The following PTPRD variants were observed in gnomAD, a reference collection of about 807,000 sequenced individuals.
PTPRD encodes receptor-type tyrosine-protein phosphatase delta.
PTPRD carries 34 observed loss-of-function variants against 214.5 expected under a neutral mutation model. That is an observed-to-expected ratio of 0.16 (90% confidence interval 0.12 to 0.21). PTPRD has a LOEUF of 0.21. Among genes scored for constraint, PTPRD ranks in the 10% least tolerant of loss-of-function variants. The pLI is 1.00. For missense variants in PTPRD, 2,545 were observed against 2,398.7 expected (o/e 1.06, Z -1.27); for synonymous variants, 1,128 against 845.7 (o/e 1.33, Z -5.79).
chr9:9,896,623 G>A (rs1160075904), intron 5 of PTPRD, among the ~76,000 whole-genome samples: 1 of 151,920 alleles, frequency 6.6e-6, no homozygotes, highest in Non-Finnish European at 1.5e-5. Context: ...ATCCTCCAAC[G>A]AATTAGATCC....
At chr9:10,472,652 C>T (rs182497337) in intron 2 of PTPRD, among the ~76,000 whole-genome samples, 2 of 152,158 alleles carry the variant, frequency 1.3e-5, no homozygotes, top group East Asian at 3.9e-4. Flanking sequence ...GAATAGTATC[C>T]AATGCCTGGA....
At chr9:10,032,908 T>C (rs1567207669) in intron 4 of PTPRD, among the ~76,000 whole-genome samples, 1 of 152,150 alleles carries the variant, frequency 6.6e-6, no homozygotes, top group East Asian at 1.9e-4. Context: ...GCAATGTATA[T>C]GAACTTGAGT....
At chr9:9,103,816 A>G (rs2099794706) in intron 10 of PTPRD, among the ~76,000 whole-genome samples, 1 of 152,042 alleles carries the variant, frequency 6.6e-6, no homozygotes, top group Non-Finnish European at 1.5e-5. Flanking sequence ...CCCTGTCTCT[A>G]CAAAAAATAC....
chr9:10,082,812 T>TACACACACAC lies in PTPRD; in HGVS notation c.-544-49032_-544-49023dup, dbSNP rs776251264. Reference sequence around the variant, plus strand: ...GCACACCCCTTTCTTCTACTCCTCCTACACACACACACACACACACACACA... The same window carrying TACACACACAC: ...GCACACCCCTTTCTTCTACTCCTCCTACACACACACACACACACACACACACACACACACA... On this transcript the variant is annotated intron_variant, in intron 3 of 45. Transcript: ENST00000381196. Among the ~76,000 whole-genome samples the TACACACACAC allele has an allele frequency of 2.7e-4, 37 of 138,592 alleles. 1 individual carries two copies. The highest frequency in any genetic ancestry group is 7.7e-3 in the Middle Eastern group (2 of 260). The allele number at this position is 138,592 out of a possible 152,430, so 90.9% of individuals were successfully genotyped here.
At chr9:9,947,576 T>TTA (rs1491033175) in intron 4 of PTPRD, among the ~76,000 whole-genome samples, 2 of 46,612 alleles carry the variant, frequency 4.3e-5, no homozygotes, top group African/African-American at 1.4e-4. Context: ...ATATATATAT[T>TTA]ATATATATAT....
At chr9:10,307,329 G>C (rs1294980506) in intron 3 of PTPRD, among the ~76,000 whole-genome samples, 1 of 151,998 alleles carries the variant, frequency 6.6e-6, no homozygotes, top group South Asian at 2.1e-4. Context: ...TATGACATCT[G>C]TCTTTCTGTG....
At chr9:9,041,030 A>T (rs189856401) in intron 10 of PTPRD, among the ~76,000 whole-genome samples, 10 of 152,260 alleles carry the variant, frequency 6.6e-5, no homozygotes, top group Non-Finnish European at 8.8e-5. Context: ...AAACTTTCAG[A>T]TGACAAATTG....
chr9:8,766,064 A>G (rs2094715818), intron 11 of PTPRD, among the ~76,000 whole-genome samples: 1 of 152,086 alleles, frequency 6.6e-6, no homozygotes, highest in Admixed American at 6.6e-5. Flanking sequence ...CTTGGTGGAT[A>G]GTCATTGGTA....
intron 4 of PTPRD, among the ~76,000 whole-genome samples, chr9:10,029,778 T>C (rs2097017736): frequency 6.6e-6 from 1 of 152,158 alleles, no homozygotes; most frequent in African/African-American, 2.4e-5. Context: ...CTGAAATGAG[T>C]TAAGACTTCG....
At chr9:9,128,492 C>T (rs1385279442) in intron 10 of PTPRD, among the ~76,000 whole-genome samples, 3 of 152,100 alleles carry the variant, frequency 2.0e-5, no homozygotes, top group Admixed American at 6.6e-5. Context: ...AACATCATGG[C>T]CCATTATCTC....
intron 44 of PTPRD, among the ~76,000 whole-genome samples, chr9:8,326,717 T>C (rs1159385731): frequency 1.3e-5 from 2 of 151,754 alleles, no homozygotes; most frequent in Non-Finnish European, 2.9e-5. Context: ...GGCTATTAAT[T>C]ACTGCCTCAA....
intron 12 of PTPRD, among the ~76,000 whole-genome samples, chr9:8,656,128 C>G (rs1392658342): frequency 6.6e-6 from 1 of 152,242 alleles, no homozygotes; most frequent in East Asian, 1.9e-4. Context: ...AACAGCCCCC[C>G]ACAACTGAAT....
intron 3 of PTPRD, among the ~76,000 whole-genome samples, chr9:10,214,310 C>T (rs931923906): frequency 3.3e-5 from 5 of 151,862 alleles, no homozygotes; most frequent in Non-Finnish European, 7.4e-5. Context: ...GACTTTCACT[C>T]TTGTCGCCCA....
At chr9:8,362,316 G>C (rs1258373828) in intron 39 of PTPRD, among the ~76,000 whole-genome samples, 1 of 152,168 alleles carries the variant, frequency 6.6e-6, no homozygotes, top group Non-Finnish European at 1.5e-5. Context: ...AAACCAATAA[G>C]TTTGAGTTTA....
chr9:9,879,845 C>G (rs1323929229), intron 5 of PTPRD, among the ~76,000 whole-genome samples: 2 of 152,128 alleles, frequency 1.3e-5, no homozygotes, highest in African/African-American at 4.8e-5. Flanking sequence ...GTTCGTCTTG[C>G]TTCAGAGAGC....
At chr9:9,306,396 T>G (rs1018922991) in intron 9 of PTPRD, among the ~76,000 whole-genome samples, 2 of 151,412 alleles carry the variant, frequency 1.3e-5, no homozygotes, top group African/African-American at 4.9e-5. Context: ...AAATCCCGTC[T>G]CTACTAAAAA....
chr9:9,053,425 C>G (rs1039387437), intron 10 of PTPRD, among the ~76,000 whole-genome samples: 1 of 152,024 alleles, frequency 6.6e-6, no homozygotes, highest in African/African-American at 2.4e-5. Flanking sequence ...TTGATGATGT[C>G]TGCTCTATAC....
chr9:9,498,362 C>T (rs764700027), intron 8 of PTPRD, among the ~76,000 whole-genome samples: 2 of 151,942 alleles, frequency 1.3e-5, no homozygotes, highest in South Asian at 2.1e-4. Context: ...TCTAAAGATC[C>T]GGAAAGATAA....
chr9:9,311,069 C>T (rs1958847444), intron 9 of PTPRD, among the ~76,000 whole-genome samples: 1 of 152,038 alleles, frequency 6.6e-6, no homozygotes, highest in South Asian at 2.1e-4. Context: ...AATTCAAACC[C>T]TTCTCTGAGT....
Sources: gnomAD v4.1 joint callset for allele counts (sites outside exome capture counted in the v4.1 genomes callset) on GRCh38, gnomAD v4.1.1 for gene constraint, MANE v1.5 for transcripts, NCBI Gene and HGNC (gene_info 2026-07-23, HGNC 2026-07-21) for gene names.